NREP: variants seen among roughly 807,000 people sequenced by gnomAD.
The protein encoded by NREP is neuronal regeneration related protein.
In NREP, 5 loss-of-function variants were observed where a neutral mutation model predicts 8.6. That is an observed-to-expected ratio of 0.58 (90% CI 0.30 to 1.22). The LOEUF is 1.22. Among genes scored for constraint, NREP ranks in the 50% most tolerant of loss-of-function variants. NREP has a pLI of 0.07. For synonymous variants in NREP, 27 were observed against 28.0 expected (o/e 0.96, Z 0.11); for missense variants, 86 against 82.5 (o/e 1.04, Z -0.17).
intron 2 of NREP, among the ~76,000 whole-genome samples, chr5:111,836,509 G>A (rs910274606): frequency 6.6e-6 from 1 of 152,066 alleles, no homozygotes; most frequent in African/African-American, 2.4e-5. Flanking sequence ...CTTTCTTTCA[G>A]TTTTCTTTGG....
chr5:111,815,807 C>G (rs1752372641), intron 2 of NREP, among the ~76,000 whole-genome samples: 2 of 152,110 alleles, frequency 1.3e-5, no homozygotes, highest in East Asian at 3.8e-4. Context: ...AATCAAGCCA[C>G]AGGTCCAAGA....
At chr5:111,805,609 T>C (rs376551057) in intron 2 of NREP, among the ~76,000 whole-genome samples, 5 of 152,232 alleles carry the variant, frequency 3.3e-5, no homozygotes, top group Admixed American at 2.0e-4. Flanking sequence ...TATATATGTG[T>C]GTGCTTATAT....
intron 2 of NREP, among the ~76,000 whole-genome samples, chr5:111,971,057 C>A (rs1016539873): frequency 5.3e-5 from 8 of 152,010 alleles, no homozygotes; most frequent in African/African-American, 9.7e-5. Flanking sequence ...GTTCCCCTTC[C>A]CCTAGTCCGG....
Position 111,849,945 on chromosome 5 carries a change from A to G in NREP, c.136-114438T>C, listed in dbSNP as rs562906354. 2.6e-5 allele frequency among the ~76,000 whole-genome samples: 4 copies of G among 152,276 alleles called. No individual in the cohort carries two copies. In the South Asian group the frequency reaches 6.2e-4, roughly 24 times the overall value. ...AGCCCAGTGCCAAGGAAGCAGAGCA[A>G]TAAGGCTGAAGGGGCCTGGGACACT... On this transcript the variant is annotated intron_variant, in intron 2 of 3. Coordinates refer to the NREP transcript ENST00000395634.
At chr5:111,865,887 G>T (rs1290105800) in intron 2 of NREP, among the ~76,000 whole-genome samples, 1 of 152,100 alleles carries the variant, frequency 6.6e-6, no homozygotes, top group Non-Finnish European at 1.5e-5. Flanking sequence ...CTACATTTTG[G>T]AGAAGACTAT....
intron 2 of NREP, among the ~76,000 whole-genome samples, chr5:111,817,953 T>C (rs1218879947): frequency 2.0e-5 from 3 of 151,974 alleles, no homozygotes; most frequent in Non-Finnish European, 2.9e-5. Context: ...ATTTTCTCAA[T>C]AAAAATATTA....
At chr5:111,880,787 A>C (rs1754036604) in intron 2 of NREP, among the ~76,000 whole-genome samples, 1 of 124,272 alleles carries the variant, frequency 8.0e-6, no homozygotes, top group Non-Finnish European at 1.6e-5. Context: ...CCCAGGCTGG[A>C]GTGCAGTGCC....
chr5:111,834,229 C>G (rs1427826023), intron 2 of NREP, among the ~76,000 whole-genome samples: 1 of 152,158 alleles, frequency 6.6e-6, no homozygotes, highest in Non-Finnish European at 1.5e-5. Context: ...TGTCAGCATC[C>G]ATGAAGTAAA....
intron 2 of NREP, among the ~76,000 whole-genome samples, chr5:111,808,057 G>T (rs1752180676): frequency 6.6e-6 from 1 of 152,202 alleles, no homozygotes; most frequent in African/African-American, 2.4e-5. Flanking sequence ...TAGTTCTGTA[G>T]TCTTTTGCGT....
intron 2 of NREP, among the ~76,000 whole-genome samples, chr5:111,898,859 C>T (rs918475404): frequency 6.6e-6 from 1 of 152,046 alleles, no homozygotes; most frequent in Non-Finnish European, 1.5e-5. Flanking sequence ...TGTTAACTCA[C>T]TTATAATGGA....
intron 2 of NREP, among the ~76,000 whole-genome samples, chr5:111,889,387 C>G (rs954529674): frequency 6.6e-6 from 1 of 152,184 alleles, no homozygotes; most frequent in Admixed American, 6.5e-5. Flanking sequence ...GAGGTATATA[C>G]CCCCATGATC....
In NREP at chr5:111,953,070, G is replaced by A. The variant is rs544173021; in HGVS notation, c.135+22204C>T. The stretch of plus-strand genomic sequence containing the variant: ...TATACTTTGCTGCAGCTGAAATTAC[G>A]CTTTTTATGATTAGATATCTTACTA... On this transcript the variant is annotated intron_variant, in intron 2 of 3. Transcript: ENST00000395634. 1.1e-4 allele frequency among the ~76,000 whole-genome samples: 16 copies of A among 152,138 alleles called. No homozygotes were observed. The South Asian group carries it at 1.7e-3, about 16-fold the overall frequency.
Position 111,729,952 on chromosome 5 carries a change from G to A in NREP, c.*969C>T, listed in dbSNP as rs1018862300. 11 of 152,352 alleles carry A rather than the reference G, an allele frequency of 7.2e-5. No homozygotes were observed. Among genetic ancestry groups the A allele is most frequent in the Non-Finnish European group, 1.3e-4 (9 of 68,012 alleles). The allele number at this position is 152,352 out of a possible 1,614,324, so 9.4% of individuals were successfully genotyped here. A position where few individuals can be genotyped will look rare whatever the true frequency, so the allele number is the denominator to read the frequency against. On this transcript the variant is annotated 3_prime_UTR_variant, in exon 4 of 4. Coordinates refer to ENST00000257435, the MANE Select transcript of NREP (RefSeq NM_004772.4). Reference sequence around the variant, plus strand: ...TTTCCAGGGGGAGTTTATTTAAAACGGTTTTGCTCTTTTTTTCGACAAATA... The same window carrying A: ...TTTCCAGGGGGAGTTTATTTAAAACAGTTTTGCTCTTTTTTTCGACAAATA...
chr5:111,908,849 A>C (rs1050333076), intron 2 of NREP, among the ~76,000 whole-genome samples: 5 of 151,914 alleles, frequency 3.3e-5, no homozygotes, highest in Non-Finnish European at 7.4e-5. Context: ...AGAAATCTCC[A>C]TACTGCATTC....
rs1297636143 is a variant in NREP, at chr5:111,730,311, A to ATAAC, written c.*606_*609dup. ...CCTTCTTAGAACATGGAAATAAAAA[A>ATAAC]TAACTCCATCAGAGCTACCTCGCCA... On this transcript the variant is annotated 3_prime_UTR_variant, in exon 4 of 4. Coordinates refer to ENST00000257435, the MANE Select transcript of NREP (RefSeq NM_004772.4). 3.3e-5 allele frequency: 5 copies of ATAAC among 152,642 alleles called. No individual in the cohort carries two copies. Among genetic ancestry groups the ATAAC allele is most frequent in the African/African-American group, 7.2e-5 (3 of 41,456 alleles). 9.5% of individuals were successfully genotyped at this position (152,642 alleles called of 1,614,324 possible). A position where few individuals can be genotyped will look rare whatever the true frequency, so the allele number is the denominator to read the frequency against.
Position 111,961,749 on chromosome 5 carries a change from T to C in NREP, c.135+13525A>G, listed in dbSNP as rs1214500176. Among the ~76,000 whole-genome samples, 19 of 152,312 alleles carry C rather than the reference T, an allele frequency of 1.2e-4. No homozygotes were observed. In the South Asian group the frequency reaches 2.1e-3, roughly 17 times the overall value. ...TACTGATTCCCTAATCTCTCCTGGT[T>C]TTATGAACTAGAGCTCCAAATATAA... On this transcript the variant is annotated intron_variant, in intron 2 of 3. Coordinates refer to the NREP transcript ENST00000395634.
intron 2 of NREP, among the ~76,000 whole-genome samples, chr5:111,960,808 C>A (rs1023305362): frequency 1.3e-5 from 2 of 152,016 alleles, no homozygotes; most frequent in South Asian, 4.2e-4. Context: ...AGTTTAAATG[C>A]CTTGCAAGTT....
At chr5:111,789,057 T>C (rs970345607) in intron 2 of NREP, among the ~76,000 whole-genome samples, 1 of 152,228 alleles carries the variant, frequency 6.6e-6, no homozygotes, top group Non-Finnish European at 1.5e-5. Context: ...GATTTTGGAC[T>C]TGCCCACCTC....
rs138737905 is a variant in NREP at position 111,975,089 on chromosome 5, C to T, written c.135+185G>A. ...TGATGGCAGTTACAATGCAGAGATGCAGAGGAAGGCACACAAATGGGGTTT... is the reference window on the plus strand; with the variant it reads ...TGATGGCAGTTACAATGCAGAGATGTAGAGGAAGGCACACAAATGGGGTTT... On this transcript the variant is annotated intron_variant, in intron 2 of 3. Transcript: ENST00000395634. Among the ~76,000 whole-genome samples the T allele has an allele frequency of 9.9e-5, 15 of 152,266 alleles. No homozygotes were observed. The East Asian group carries it at 2.9e-3, about 29-fold the overall frequency.
Sources: gnomAD v4.1 joint callset for allele counts (sites outside exome capture counted in the v4.1 genomes callset) on GRCh38, gnomAD v4.1.1 for gene constraint, MANE v1.5 for transcripts, NCBI Gene and HGNC (gene_info 2026-07-23, HGNC 2026-07-21) for gene names.